Variants in ATPAF2 observed in about 807,000 individuals in gnomAD.
ATPAF2 encodes ATP12 homolog.
In ATPAF2, 30 loss-of-function variants were observed where a neutral mutation model predicts 36.6. The observed-to-expected ratio is 0.82, with a 90% CI of 0.61 to 1.11. The LOEUF is 1.11. Ranked by LOEUF, ATPAF2 falls within the 50% of genes most tolerant of loss-of-function variation. ATPAF2 has a pLI of 0.00. For missense variants in ATPAF2, 321 were observed against 372.3 expected, an observed-to-expected ratio of 0.86 and a Z score of 1.13; for synonymous variants, 140 against 152.6, an observed-to-expected ratio of 0.92 and a Z score of 0.61.
At chr17:18,022,594 C>G (rs1011200677) in intron 5 of ATPAF2, among the ~76,000 whole-genome samples, 1 of 121,394 alleles carries the variant, frequency 8.2e-6, no homozygotes, top group Non-Finnish European at 1.8e-5. Flanking sequence ...TTTTTTCAAA[C>G]TTTTTTTTTT....
intron 1 of ATPAF2, among the ~76,000 whole-genome samples, chr17:18,033,557 G>C (rs2044666267): frequency 6.6e-6 from 1 of 151,898 alleles, no homozygotes; most frequent in Non-Finnish European, 1.5e-5. Context: ...AGCTTTGTAG[G>C]ATCATGCAGA....
chr17:18,021,775 G>A lies in ATPAF2; in HGVS notation c.586C>T (p.Leu196=). The A allele has an allele frequency of 1.2e-6, 2 of 1,614,138 alleles. No individual in the cohort carries two copies. The highest frequency in any genetic ancestry group is 1.7e-6 in the Non-Finnish European group (2 of 1,180,026). ...AAAGCCCATGTGTTGTAAGATGCCA[G>A]GTGGCTGACGAGCACCTCCCGAGTT... ...AKTREVLVSH[L]ASYNTWALQG... is the part of the protein sequence containing the mutation. Residue 196 remains leucine (L), a synonymous_variant, in exon 6 of 8, where the codon CTG becomes TTG. Coordinates refer to ENST00000474627, the MANE Select transcript of ATPAF2 (RefSeq NM_145691.4).
At chr17:18,038,821 G>A (rs2044745427) in intron 1 of ATPAF2, 60 bp downstream of exon 1, 2 of 1,604,876 alleles carry the variant, frequency 1.2e-6, no homozygotes, top group South Asian at 2.2e-5. Flanking sequence ...CACAGCCGAA[G>A]CCCGAAGCCC....
At chr17:18,017,641 A>G (rs1187458767), downstream of ATPAF2, among the ~76,000 whole-genome samples, 1 of 152,242 alleles carries the variant, frequency 6.6e-6, no homozygotes, top group African/African-American at 2.4e-5. Context: ...GTTCAGGGAG[A>G]CAGTGCATGG....
intron 1 of ATPAF2, among the ~76,000 whole-genome samples, chr17:18,030,320 CAAAAAAAAAAAA>C (rs1162130285): frequency 1.4e-4 from 9 of 64,092 alleles, no homozygotes; most frequent in Middle Eastern, 0.012. Flanking sequence ...GACTCCATCT[CAAAAAAAAAAAA>C]AAAAAAAAAA....
chr17:18,036,914 A>G (rs528131449), intron 1 of ATPAF2, among the ~76,000 whole-genome samples: 1 of 151,650 alleles, frequency 6.6e-6, no homozygotes, highest in South Asian at 2.1e-4. Flanking sequence ...TCTACTAAAA[A>G]TACAAAATTA....
intron 7 of ATPAF2, among the ~76,000 whole-genome samples, chr17:18,019,152 CA>C: frequency 6.7e-6 from 1 of 148,394 alleles, no homozygotes. Flanking sequence ...AAACACCACA[CA>C]CACACACACA....
In ATPAF2 at chr17:18,039,101, C is replaced by A; in HGVS notation, c.-88G>T. 6.5e-7 allele frequency: 1 copy of A among 1,532,656 alleles called. No homozygotes were observed. The highest frequency in any genetic ancestry group is 8.8e-7 in the Non-Finnish European group (1 of 1,137,252). 94.9% of individuals were successfully genotyped at this position (1,532,656 alleles called of 1,614,324 possible). ...GGATCCCCAAAGCCGCACGGTCGGG[C>A]TGTACGGAAACCTCTCAACGCCTCC... On this transcript the variant is annotated 5_prime_UTR_variant, in exon 1 of 8. Coordinates refer to ENST00000474627, the MANE Select transcript of ATPAF2 (RefSeq NM_145691.4). The surrounding 1 kb of genome is among the most constrained non-coding windows in gnomAD (Gnocchi z 5.3).
chr17:18,016,182 G>A (rs765775066), downstream of ATPAF2: 26 of 1,613,854 alleles, frequency 1.6e-5, no homozygotes, highest in East Asian at 4.5e-5. Flanking sequence ...TGGTGTACAC[G>A]TTTAATAGAC....
At chr17:18,025,790 T>C (rs1182826526) in intron 4 of ATPAF2, among the ~76,000 whole-genome samples, 1 of 152,188 alleles carries the variant, frequency 6.6e-6, no homozygotes, top group Non-Finnish European at 1.5e-5. Context: ...TCCTGTGTCA[T>C]CGTGAGATGA....
chr17:18,016,285 TAAGG>T, downstream of ATPAF2: 1 of 1,358,188 alleles, frequency 7.4e-7, no homozygotes, highest in Non-Finnish European at 1.0e-6. Context: ...GAATTTTCAT[TAAGG>T]AATGAAATGA....
At chr17:18,031,487 A>C (rs958171217) in intron 1 of ATPAF2, among the ~76,000 whole-genome samples, 4 of 151,954 alleles carry the variant, frequency 2.6e-5, no homozygotes, top group African/African-American at 9.7e-5. Flanking sequence ...ACAGAGTTTA[A>C]AGTGTTTTTT....
chr17:18,038,955 G>A lies in ATPAF2; in HGVS notation c.59C>T (p.Ala20Val). The A allele has an allele frequency of 6.2e-7, 1 of 1,612,710 alleles. No individual in the cohort carries two copies. The highest frequency in any genetic ancestry group is 1.3e-5 in the African/African-American group (1 of 75,052). The change falls in exon 1 of 8, where the codon GCG becomes GTG. Residue 20 changes from alanine to valine, a missense_variant. Coordinates refer to ENST00000474627, the MANE Select transcript of ATPAF2 (RefSeq NM_145691.4). ...ACTCATAGAAGCGCTGGGGCCACCC[G>A]CCGGCCGATTCAGGAGACGGCGTCC... is the stretch of plus-strand genomic sequence containing the variant. ...DGGRRLLNRP[A>V]GGPSASMSPG...
chr17:18,021,293 C>T, intron 6 of ATPAF2, 55 bp from the exon 7 acceptor site: 1 of 1,382,784 alleles, frequency 7.2e-7, no homozygotes, highest in East Asian at 2.4e-5. Flanking sequence ...CCACAACCTA[C>T]CCCTTGTGAG....
Position 18,035,930 on chromosome 17 carries a change from C to T in ATPAF2, c.133+2951G>A, listed in dbSNP as rs368956091. On this transcript the variant is annotated intron_variant, in intron 1 of 7. Transcript: ENST00000474627. ...GAGACAAGACTTCTAGCCTTGACTT[C>T]ATCAGGCAGTTGCATTCAGCCAGAT... 9.2e-5 allele frequency among the ~76,000 whole-genome samples: 14 copies of T among 152,352 alleles called. No individual in the cohort carries two copies. The East Asian group carries it at 2.1e-3, about 23-fold the overall frequency.
chr17:18,019,460 G>A (rs552876757), intron 7 of ATPAF2, among the ~76,000 whole-genome samples: 1 of 152,380 alleles, frequency 6.6e-6, no homozygotes, highest in Non-Finnish European at 1.5e-5. Context: ...AGCGCCATGT[G>A]GGTGGAATAA....
At chr17:18,016,750 G>C (rs190717076), downstream of ATPAF2, 47 of 855,746 alleles carry the variant, frequency 5.5e-5, 1 homozygote, top group Middle Eastern at 2.5e-4. Context: ...CGCCTCACCC[G>C]CACCTCTAGA....
chr17:18,016,685 A>G (rs1282017131), downstream of ATPAF2: 1 of 1,559,410 alleles, frequency 6.4e-7, no homozygotes, highest in Non-Finnish European at 8.8e-7. Context: ...AATGTCAGCC[A>G]CAGGAGCTTC....
At chr17:18,033,172 C>A (rs931359941) in intron 1 of ATPAF2, among the ~76,000 whole-genome samples, 1 of 151,930 alleles carries the variant, frequency 6.6e-6, no homozygotes, top group African/African-American at 2.4e-5. Context: ...AGCTCAAGAG[C>A]AGCCTGGCCA....
Sources: gnomAD v4.1 joint callset for allele counts (sites outside exome capture counted in the v4.1 genomes callset) on GRCh38, gnomAD v4.1.1 for gene constraint, Gnocchi (gnomAD v3.1) non-coding constraint, MANE v1.5 for transcripts, NCBI Gene and HGNC (gene_info 2026-07-23, HGNC 2026-07-21) for gene names.